ANO3: variants seen among roughly 807,000 people sequenced by gnomAD.
The protein encoded by ANO3 is anoctamin 3, also known as anoctamin-3.
In ANO3, 99 loss-of-function variants were observed where a neutral mutation model predicts 144.8. The ratio of observed to expected loss-of-function variants is 0.68; its 90% CI spans 0.58 to 0.81. The LOEUF (loss-of-function observed/expected upper bound fraction) is 0.81. Among genes scored for constraint, ANO3 ranks in the 30% least tolerant of loss-of-function variants. The pLI is 0.00. For synonymous variants in ANO3, 414 were observed against 392.6 expected, an observed-to-expected ratio of 1.05 and a Z score of -0.64; for missense variants, 905 against 1,202.2, an observed-to-expected ratio of 0.75 and a Z score of 3.66.
At chr11:26,418,782 G>A (rs1235919095) in intron 1 of ANO3, among the ~76,000 whole-genome samples, 1 of 151,778 alleles carries the variant, frequency 6.6e-6, no homozygotes, top group African/African-American at 2.4e-5. Flanking sequence ...TAAAATACTT[G>A]GGGGTACCTT....
chr11:26,400,918 CA>C (rs961653456), intron 1 of ANO3, among the ~76,000 whole-genome samples: 4 of 150,830 alleles, frequency 2.7e-5, no homozygotes, highest in Non-Finnish European at 4.4e-5. Context: ...CATTATACTT[CA>C]AAAAAAAGAA....
intron 3 of ANO3, among the ~76,000 whole-genome samples, chr11:26,456,832 C>G (rs1476531078): frequency 1.5e-5 from 2 of 131,688 alleles, no homozygotes; most frequent in Admixed American, 1.5e-4. Flanking sequence ...ACCCAAATGT[C>G]CAACAACGAT....
chr11:26,332,145 G>T lies in ANO3; in HGVS notation c.-131G>T, dbSNP rs546338763. The T allele has an allele frequency of 8.4e-6, 13 of 1,554,494 alleles. No homozygotes were observed. Among genetic ancestry groups the T allele is most frequent in the East Asian group, 4.6e-5 (2 of 43,284 alleles). Reference sequence around the variant, plus strand: ...CGCGTAGCCTGGAGAGCGAAGTGCCGGCTACAGCAGGTGTCGGATTGCAGT... The same window carrying T: ...CGCGTAGCCTGGAGAGCGAAGTGCCTGCTACAGCAGGTGTCGGATTGCAGT... On this transcript the variant is annotated 5_prime_UTR_variant, in exon 1 of 27. Coordinates refer to ENST00000256737, the MANE Select transcript of ANO3 (RefSeq NM_031418.4).
chr11:26,490,100 A>T (rs1180249598), intron 4 of ANO3, among the ~76,000 whole-genome samples: 1 of 152,064 alleles, frequency 6.6e-6, no homozygotes, highest in African/African-American at 2.4e-5. Flanking sequence ...CAGAGTTCCC[A>T]TGTGTTATGG....
chr11:26,332,226 G>T lies in ANO3; in HGVS notation c.-50G>T, dbSNP rs751059713. 1.2e-6 allele frequency: 2 copies of T among 1,613,906 alleles called. No homozygotes were observed. The highest frequency in any genetic ancestry group is 2.2e-5 in the South Asian group (2 of 91,074). On this transcript the variant is annotated 5_prime_UTR_variant, in exon 1 of 27. Transcript: ENST00000256737. ...TCTAGAGTCTGGCTACTGTTCCTCC[G>T]CCTCCCTCTCGGGCAGCTCCCTAAG... is the stretch of plus-strand genomic sequence containing the variant.
intron 1 of ANO3, among the ~76,000 whole-genome samples, chr11:26,245,073 C>A (rs1239904711): frequency 6.7e-6 from 1 of 148,210 alleles, no homozygotes; most frequent in Non-Finnish European, 1.5e-5. Context: ...ATAATTCCAA[C>A]TTGCAGAAAA....
intron 3 of ANO3, among the ~76,000 whole-genome samples, chr11:26,455,660 T>C (rs1456856178): frequency 3.3e-5 from 5 of 152,230 alleles, no homozygotes; most frequent in East Asian, 1.9e-4. Context: ...AGGTAATTTA[T>C]AGATTCAATG....
intron 14 of ANO3, among the ~76,000 whole-genome samples, chr11:26,590,242 T>G (rs1276257754): frequency 2.0e-5 from 3 of 152,248 alleles, no homozygotes; most frequent in African/African-American, 7.2e-5. Context: ...AAACTCATAT[T>G]TGTCAAATAT....
At position 26,642,007 on chromosome 11, in the gene ANO3, G is replaced by A. The variant is rs372386795; in HGVS notation, c.2253G>A (p.Leu751=). The change falls in exon 22 of 27, where the codon CTG becomes CTA. Residue 751 remains leucine, a synonymous_variant. Transcript: ENST00000256737. The stretch of plus-strand genomic sequence containing the variant: ...TGCAGCCCATGAACCTTCATGGACT[G>A]ATGGATGAGTACTTAGAAATGGGTA... ...WNLQPMNLHG[L]MDEYLEMVLQ... is the part of the protein sequence containing the mutation. 10 of 1,613,400 alleles carry A rather than the reference G, an allele frequency of 6.2e-6. No homozygotes were observed. The highest frequency in any genetic ancestry group is 4.0e-5 in the African/African-American group (3 of 74,900).
chr11:26,416,454 GTC>G (rs1435910387), intron 1 of ANO3, among the ~76,000 whole-genome samples: 1 of 151,104 alleles, frequency 6.6e-6, no homozygotes, highest in African/African-American at 2.4e-5. Flanking sequence ...TTGAGACAGA[GTC>G]TGGGTCTGTG....
In ANO3 at chr11:26,397,629, A is replaced by G. The variant is rs1857049115; in HGVS notation, c.47-44289A>G. On this transcript the variant is annotated intron_variant, in intron 1 of 26. Coordinates refer to ENST00000256737, the MANE Select transcript of ANO3 (RefSeq NM_031418.4). ...GCACAATGATGTTTCAAGACATATAATGTACAGTGATCAGATCAGGGTGAT... is the reference window on the plus strand; with the variant it reads ...GCACAATGATGTTTCAAGACATATAGTGTACAGTGATCAGATCAGGGTGAT... Among the ~76,000 whole-genome samples the G allele has an allele frequency of 2.0e-5, 3 of 152,090 alleles. No individual in the cohort carries two copies. The South Asian group carries it at 6.2e-4, about 31-fold the overall frequency.
intron 1 of ANO3, among the ~76,000 whole-genome samples, chr11:26,292,724 G>T (rs1047132571): frequency 7.2e-5 from 11 of 152,152 alleles, no homozygotes; most frequent in East Asian, 5.8e-4. Context: ...GACCCAGTTT[G>T]CCTGGGTATC....
chr11:26,209,135 T>C (rs952132927), intron 1 of ANO3, among the ~76,000 whole-genome samples: 10 of 152,154 alleles, frequency 6.6e-5, no homozygotes, highest in Admixed American at 5.9e-4. Flanking sequence ...CCTAATGCTA[T>C]CCCTCCCCTA....
intron 1 of ANO3, among the ~76,000 whole-genome samples, chr11:26,367,359 ACATATGTGACTATTGCTC>A (rs1225504472): frequency 1.3e-5 from 2 of 152,170 alleles, no homozygotes; most frequent in African/African-American, 4.8e-5. Context: ...CTAGGACATA[ACATATGTGACTATTGCTC>A]CAGGTTCCAG....
intron 13 of ANO3, among the ~76,000 whole-genome samples, chr11:26,557,576 G>C (rs540039936): frequency 6.6e-6 from 1 of 151,870 alleles, no homozygotes; most frequent in Non-Finnish European, 1.5e-5. Flanking sequence ...TATATGTGTA[G>C]GACAAGATTC....
At chr11:26,258,663 T>C (rs761017097) in intron 1 of ANO3, among the ~76,000 whole-genome samples, 11 of 152,206 alleles carry the variant, frequency 7.2e-5, no homozygotes, top group Non-Finnish European at 1.2e-4. Flanking sequence ...GGGGTATTCC[T>C]AACATGTTAG....
chr11:26,561,328 T>C (rs1363390586), intron 14 of ANO3: 2 of 749,496 alleles, frequency 2.7e-6, no homozygotes, highest in Admixed American at 8.4e-5. Flanking sequence ...AGAAAATAAA[T>C]ATATTTTTAT....
intron 1 of ANO3, among the ~76,000 whole-genome samples, chr11:26,351,038 G>A (rs1047585807): frequency 3.3e-5 from 5 of 152,074 alleles, no homozygotes; most frequent in African/African-American, 1.2e-4. Context: ...TCCTAGTAAT[G>A]CTTTAATTAT....
At chr11:26,286,086 C>T (rs1190269957) in intron 1 of ANO3, 1 of 152,078 alleles carries the variant, frequency 6.6e-6, no homozygotes, top group Non-Finnish European at 1.5e-5. Flanking sequence ...AACAGATGGC[C>T]GTTAGCTCAA....
Sources: gnomAD v4.1 joint callset for allele counts (sites outside exome capture counted in the v4.1 genomes callset) on GRCh38, gnomAD v4.1.1 for gene constraint, MANE v1.5 for transcripts, NCBI Gene and HGNC (gene_info 2026-07-23, HGNC 2026-07-21) for gene names.